Variants in KCND2 observed in about 807,000 individuals in gnomAD.
KCND2 encodes the protein potassium voltage-gated channel subfamily D member 2, also known as A-type voltage-gated potassium channel KCND2.
Under a neutral mutation model 54.4 loss-of-function variants are expected in KCND2, and 16 were observed. The ratio of observed to expected loss-of-function variants is 0.29; its 90% CI spans 0.20 to 0.45. The LOEUF (loss-of-function observed/expected upper bound fraction) is 0.45. Among genes scored for constraint, KCND2 ranks in the 20% least tolerant of loss-of-function variants. The pLI, the probability that KCND2 is intolerant of heterozygous loss-of-function variation, is 1.00. For synonymous variants in KCND2, 317 were observed against 310.7 expected (o/e 1.02, Z -0.21); for missense variants, 486 against 824.2 (o/e 0.59, Z 5.02).
At chr7:120,312,135 G>T (rs193227337) in intron 1 of KCND2, among the ~76,000 whole-genome samples, 2 of 152,092 alleles carry the variant, frequency 1.3e-5, no homozygotes, top group Admixed American at 1.3e-4. Flanking sequence ...TCAAACTCCT[G>T]ACCTCAGATG....
At chr7:120,595,591 G>GTATATATATA (rs58301382) in intron 1 of KCND2, among the ~76,000 whole-genome samples, 1,687 of 131,780 alleles carry the variant, frequency 0.013, 26 homozygotes, top group Admixed American at 0.021. Context: ...GTGTGTGTGT[G>GTATATATATA]TATATATATA....
chr7:120,568,952 A>C (rs1303750405), intron 1 of KCND2, among the ~76,000 whole-genome samples: 6 of 152,096 alleles, frequency 3.9e-5, no homozygotes, highest in Non-Finnish European at 8.8e-5. Context: ...ATTTTGGCTG[A>C]AAGAATGATC....
At chr7:120,402,939 A>G (rs983226692) in intron 1 of KCND2, among the ~76,000 whole-genome samples, 2 of 152,204 alleles carry the variant, frequency 1.3e-5, no homozygotes, top group African/African-American at 4.8e-5. Context: ...CCAAGAATGT[A>G]TAATGGGACT....
intron 1 of KCND2, among the ~76,000 whole-genome samples, chr7:120,597,608 C>T (rs1331410944): frequency 6.6e-6 from 1 of 152,108 alleles, no homozygotes; most frequent in Non-Finnish European, 1.5e-5. Flanking sequence ...CATACTTGGG[C>T]ATGCAGAACT....
At chr7:120,485,628 G>T (rs942509647) in intron 1 of KCND2, among the ~76,000 whole-genome samples, 5 of 152,156 alleles carry the variant, frequency 3.3e-5, no homozygotes, top group Middle Eastern at 3.2e-3. Flanking sequence ...AGTAGAGGAT[G>T]CTTTTTAAGT....
intron 1 of KCND2, among the ~76,000 whole-genome samples, chr7:120,674,536 A>G (rs147475877): frequency 1.7e-3 from 254 of 152,366 alleles, no homozygotes; most frequent in African/African-American, 5.9e-3. Context: ...GTCAAATTCT[A>G]TATAGAATTT....
intron 1 of KCND2, among the ~76,000 whole-genome samples, chr7:120,370,854 G>GA (rs763746746): frequency 7.9e-5 from 12 of 151,986 alleles, no homozygotes; most frequent in Non-Finnish European, 1.2e-4. Context: ...CTCTTATTTA[G>GA]AATCAATTTT....
chr7:120,386,586 T>A (rs190207504), intron 1 of KCND2, among the ~76,000 whole-genome samples: 108 of 152,282 alleles, frequency 7.1e-4, no homozygotes, highest in Non-Finnish European at 9.6e-4. Flanking sequence ...AATTATGACA[T>A]CCCTTTCTTT....
At chr7:120,313,912 C>G (rs369089923) in intron 1 of KCND2, among the ~76,000 whole-genome samples, 1 of 151,638 alleles carries the variant, frequency 6.6e-6, no homozygotes, top group African/African-American at 2.4e-5. Context: ...CTATTTTAAA[C>G]CTTTGTAAGG....
At position 120,747,838 on chromosome 7, in the gene KCND2, G is replaced by A. The variant is rs757426235; in HGVS notation, c.1873G>A (p.Val625Ile). 10 of 1,611,840 alleles carry A rather than the reference G, an allele frequency of 6.2e-6. No homozygotes were observed. The highest frequency in any genetic ancestry group is 2.2e-5 in the East Asian group (1 of 44,750). Residue 625 changes from valine (V) to isoleucine (I), a missense_variant, in exon 6 of 6, where the codon GTC (valine) becomes ATC (isoleucine). Transcript: ENST00000331113. Reference sequence around the variant, plus strand: ...CCCTGAGTACTCAGGAGGAAATATTGTCAGAGTTTCTGCTTTGTAAGACAA... The same window carrying A: ...CCCTGAGTACTCAGGAGGAAATATTATCAGAGTTTCTGCTTTGTAAGACAA... ...ESPEYSGGNI[V>I]RVSAL is the part of the protein sequence containing the mutation.
At chr7:120,337,522 C>T (rs1757607854) in intron 1 of KCND2, among the ~76,000 whole-genome samples, 1 of 152,160 alleles carries the variant, frequency 6.6e-6, no homozygotes, top group Admixed American at 6.5e-5. Flanking sequence ...ATTTTTAAGA[C>T]TTTCACTTCT....
chr7:120,308,635 T>C (rs1018006049), intron 1 of KCND2, among the ~76,000 whole-genome samples: 1 of 152,198 alleles, frequency 6.6e-6, no homozygotes, highest in Non-Finnish European at 1.5e-5. Context: ...TGATTAGAGA[T>C]ACATGCCCTG....
At chr7:120,643,904 TATA>T (rs1428566439) in intron 1 of KCND2, among the ~76,000 whole-genome samples, 2 of 150,956 alleles carry the variant, frequency 1.3e-5, no homozygotes, top group African/African-American at 2.4e-5. Flanking sequence ...CTTATATTAA[TATA>T]ATAATATTTT....
chr7:120,650,094 T>C (rs1322412091), intron 1 of KCND2, among the ~76,000 whole-genome samples: 3 of 151,504 alleles, frequency 2.0e-5, no homozygotes, highest in Admixed American at 2.0e-4. Context: ...ATTATGTGTC[T>C]TGGAGTTGCT....
chr7:120,488,395 T>C (rs1052028977), intron 1 of KCND2, among the ~76,000 whole-genome samples: 4 of 152,204 alleles, frequency 2.6e-5, no homozygotes, highest in African/African-American at 9.6e-5. Flanking sequence ...AGATTTGTTT[T>C]GTTTTGTTTT....
intron 1 of KCND2, among the ~76,000 whole-genome samples, chr7:120,647,765 A>T (rs1346739618): frequency 1.3e-5 from 2 of 152,258 alleles, no homozygotes; most frequent in Admixed American, 1.3e-4. Flanking sequence ...TCAACTCTGA[A>T]TATAAGTATG....
chr7:120,625,063 G>C (rs901593081), intron 1 of KCND2, among the ~76,000 whole-genome samples: 6 of 152,120 alleles, frequency 3.9e-5, no homozygotes, highest in African/African-American at 1.2e-4. Context: ...CATTGCCGAA[G>C]GGAAACTAGA....
At chr7:120,572,185 T>G (rs1253213058) in intron 1 of KCND2, among the ~76,000 whole-genome samples, 1 of 152,176 alleles carries the variant, frequency 6.6e-6, no homozygotes, top group Non-Finnish European at 1.5e-5. Context: ...TGCTTTTTTT[T>G]TTTTTCAAGT....
At chr7:120,359,827 T>C (rs529524061) in intron 1 of KCND2, among the ~76,000 whole-genome samples, 2 of 152,158 alleles carry the variant, frequency 1.3e-5, no homozygotes, top group African/African-American at 4.8e-5. Flanking sequence ...GTTCTCGTGA[T>C]AGTGAGTGAG....
Sources: allele counts gnomAD v4.1 joint callset (sites outside exome capture counted in the v4.1 genomes callset), GRCh38; gene constraint gnomAD v4.1.1; transcripts MANE v1.5; gene names NCBI Gene and HGNC (gene_info 2026-07-23, HGNC 2026-07-21).